Variants in ZXDC observed in about 807,000 individuals in gnomAD.
ZXDC encodes zinc finger protein ZXDC.
A neutral mutation model predicts 63.6 loss-of-function variants in ZXDC; 58 were observed. The ratio of observed to expected loss-of-function variants is 0.91; its 90% CI spans 0.74 to 1.13. The LOEUF (loss-of-function observed/expected upper bound fraction) is 1.13, where lower values mean the gene tolerates loss of function less well. Ranked by LOEUF, ZXDC falls within the 50% of genes most tolerant of loss-of-function variation. ZXDC has a pLI of 0.00. For synonymous variants in ZXDC, 561 were observed against 496.1 expected (o/e 1.13, Z -1.74); for missense variants, 1,133 against 1,148.9 (o/e 0.99, Z 0.20).
At chr3:126,458,533 T>A in intron 7 of ZXDC, 2 of 968,786 alleles carry the variant, frequency 2.1e-6, no homozygotes, top group Non-Finnish European at 2.5e-6. Flanking sequence ...CCACCGCACC[T>A]GGCCAATGTC....
In ZXDC at chr3:126,462,195, C is replaced by T. The variant is rs761690396; in HGVS notation, c.1467G>A (p.Pro489=). The T allele has an allele frequency of 1.9e-5, 31 of 1,600,920 alleles. No individual in the cohort carries two copies. Among genetic ancestry groups the T allele is most frequent in the Middle Eastern group, 1.7e-4 (1 of 6,004 alleles). ...RQDLLPQLEA[P]SSLTPSSELS... ...GTTCACTGCTGGGAGTAAGAGAACT[C>T]GGAGCTTCTAGCTGAGGTAAGAGAT... is the stretch of plus-strand genomic sequence containing the variant. The change falls in exon 6 of 10, where the codon CCG becomes CCA. Residue 489 remains proline, a synonymous_variant. Transcript: ENST00000389709.
Position 126,438,335 on chromosome 3 carries a change from C to T in ZXDC, c.*40G>A, listed in dbSNP as rs1933540432. 1.3e-6 allele frequency: 2 copies of T among 1,564,782 alleles called. No individual in the cohort carries two copies. The highest frequency in any genetic ancestry group is 2.7e-5 in the African/African-American group (2 of 73,746). On this transcript the variant is annotated 3_prime_UTR_variant, in exon 10 of 10. Transcript: ENST00000389709. ...TCATGAGTCTCAGGGAAGGTGTGTC[C>T]TAGACCGTGGCCTTGGGCCTGCCCA...
At chr3:126,447,213 T>C (rs1933916086) in intron 7 of ZXDC, among the ~76,000 whole-genome samples, 1 of 152,190 alleles carries the variant, frequency 6.6e-6, no homozygotes. Context: ...AGGAACTGAA[T>C]AAAGTATGTA....
intron 7 of ZXDC, chr3:126,457,248 G>A: frequency 1.0e-6 from 1 of 983,262 alleles, no homozygotes; most frequent in Non-Finnish European, 1.2e-6. Context: ...GAGTATGCAG[G>A]ATGCTGCTTT....
intron 7 of ZXDC, among the ~76,000 whole-genome samples, chr3:126,445,131 A>C (rs1049657206): frequency 4.6e-5 from 7 of 152,248 alleles, no homozygotes; most frequent in Non-Finnish European, 7.3e-5. Context: ...CTGAGAAGAA[A>C]CACCACCACT....
chr3:126,455,597 G>A (rs1000476445), intron 7 of ZXDC, among the ~76,000 whole-genome samples: 1 of 152,182 alleles, frequency 6.6e-6, no homozygotes, highest in Admixed American at 6.5e-5. Context: ...TGTTGATGGG[G>A]CACAAGAATC....
intron 9 of ZXDC, 152 bp downstream of exon 9, chr3:126,439,480 G>T: frequency 7.6e-7 from 1 of 1,315,974 alleles, no homozygotes; most frequent in Non-Finnish European, 1.0e-6. Context: ...ACCTTCTCCA[G>T]AAGGCAGCAA....
chr3:126,457,242 A>C, intron 7 of ZXDC: 1 of 981,004 alleles, frequency 1.0e-6, no homozygotes, highest in Non-Finnish European at 1.2e-6. Context: ...CAGCATGAGT[A>C]TGCAGGATGC....
intron 5 of ZXDC, among the ~76,000 whole-genome samples, chr3:126,463,681 GCT>G (rs148474656): frequency 0.017 from 2,624 of 152,298 alleles, 80 homozygotes; most frequent in African/African-American, 0.059. Flanking sequence ...GTCCCCAGCA[GCT>G]TCCTGACTGT....
At chr3:126,474,051 C>A (rs1449861258) in intron 1 of ZXDC, among the ~76,000 whole-genome samples, 2 of 150,112 alleles carry the variant, frequency 1.3e-5, no homozygotes, top group African/African-American at 4.9e-5. Context: ...GGAGAAAGAA[C>A]AGGCAGTGGA....
chr3:126,447,837 C>A lies in ZXDC; in HGVS notation c.2213-5891G>T, dbSNP rs184979074. Among the ~76,000 whole-genome samples, 359 of 152,354 alleles carry A rather than the reference C, an allele frequency of 2.4e-3. 1 individual carries two copies. The highest frequency in any genetic ancestry group is 6.7e-3 in the Admixed American group (103 of 15,308). ...GACAGGCTGCCTCGCCCCACATCACCCTCGCCCGCTGTCCATGTGCTGGTA... is the reference window on the plus strand; with the variant it reads ...GACAGGCTGCCTCGCCCCACATCACACTCGCCCGCTGTCCATGTGCTGGTA... On this transcript the variant is annotated intron_variant, in intron 7 of 9. Coordinates refer to ENST00000389709, the MANE Select transcript of ZXDC (RefSeq NM_025112.5).
Position 126,466,219 on chromosome 3 carries a change from G to A in ZXDC, c.1377C>T (p.Asn459=), listed in dbSNP as rs748458111. 5 of 1,614,258 alleles carry A rather than the reference G, an allele frequency of 3.1e-6. No homozygotes were observed. The Admixed American group carries it at 5.0e-5, about 16-fold the overall frequency. Reference sequence around the variant, plus strand: ...TGCTGTGCTTGGAGGTGAAGAGTCTGTTGCAGGTAGAAACTGGGCAACGGC... The same window carrying A: ...TGCTGTGCTTGGAGGTGAAGAGTCTATTGCAGGTAGAAACTGGGCAACGGC... ...PKSRCPVSTC[N]RLFTSKHSMK... Residue 459 remains asparagine (N), a synonymous_variant, in exon 5 of 10, where the codon AAC becomes AAT. Transcript: ENST00000389709.
Position 126,461,616 on chromosome 3 carries a change from G to C in ZXDC, c.2046C>G (p.Pro682=). ...CTGCTGGACTGGGCAACGTGGACTG[G>C]GGCAGCCCATGGCTTCCTTCCTGCT... ...VGQQEGSHGL[P]QSTLPSPAEQ... Residue 682 remains proline (P), a synonymous_variant, in exon 6 of 10, where the codon CCC becomes CCG. Transcript: ENST00000389709. 1.2e-6 allele frequency: 2 copies of C among 1,614,080 alleles called. No individual in the cohort carries two copies. Among genetic ancestry groups the C allele is most frequent in the Non-Finnish European group, 1.7e-6 (2 of 1,180,028 alleles).
rs762737337 is a variant in ZXDC at position 126,475,591 on chromosome 3, C to A, written c.275G>T (p.Gly92Val). 6.8e-7 allele frequency: 1 copy of A among 1,466,202 alleles called. No individual in the cohort carries two copies. The highest frequency in any genetic ancestry group is 9.0e-7 in the Non-Finnish European group (1 of 1,106,518). The allele number at this position is 1,466,202 out of a possible 1,614,324, so 90.8% of individuals were successfully genotyped here. A position where few individuals can be genotyped will look rare whatever the true frequency, so the allele number is the denominator to read the frequency against. ...GGAGCCAGGCTCGGCCTCCTGTGAT[C>A]CGGCAGCCTCGGCGGCAGCGCCGCC... ...PHGGAAAEAAGSQEAEPGSRV... is the reference protein window; with the variant it reads ...PHGGAAAEAAVSQEAEPGSRV... The change falls in exon 1 of 10, where the codon GGA (glycine) becomes GTA (valine). Residue 92 changes from glycine (G) to valine (V), a missense_variant. Physicochemically the swap from Gly to Val is moderately radical, Grantham distance 109. Coordinates refer to ENST00000389709, the MANE Select transcript of ZXDC (RefSeq NM_025112.5).
At chr3:126,439,426 C>T (rs1454098872) in intron 9 of ZXDC, among the ~76,000 whole-genome samples, 1 of 152,160 alleles carries the variant, frequency 6.6e-6, no homozygotes, top group Non-Finnish European at 1.5e-5. Flanking sequence ...CTTTGTCTAC[C>T]AGCAGGAGCT....
At position 126,441,862 on chromosome 3, in the gene ZXDC, C is replaced by T. The variant is rs375915731; in HGVS notation, c.2297G>A (p.Cys766Tyr). The part of the protein sequence containing the change: ...HFHASQNSWL[C>Y]GSLVVPSGGR... ...TCCGCTGGGCACCACGAGGCTCCCA[C>T]ACAACCAACTGTTCTGGCTTGCATG... is the stretch of plus-strand genomic sequence containing the variant. The change falls in exon 8 of 10, where the codon TGT (cysteine) becomes TAT (tyrosine). Residue 766 changes from cysteine to tyrosine, a missense_variant. Coordinates refer to ENST00000389709, the MANE Select transcript of ZXDC (RefSeq NM_025112.5). 43 of 1,613,874 alleles carry T rather than the reference C, an allele frequency of 2.7e-5. No individual in the cohort carries two copies. Among genetic ancestry groups the T allele is most frequent in the Non-Finnish European group, 3.6e-5 (43 of 1,179,956 alleles).
chr3:126,450,086 A>G (rs911893060), intron 7 of ZXDC, among the ~76,000 whole-genome samples: 2 of 152,122 alleles, frequency 1.3e-5, no homozygotes, highest in Non-Finnish European at 2.9e-5. Context: ...AGCTTTACTC[A>G]CAGGACTAAA....
chr3:126,460,223 T>C lies in ZXDC; in HGVS notation c.2128-486A>G, dbSNP rs895850738. On this transcript the variant is annotated intron_variant, in intron 6 of 9. Transcript: ENST00000389709. Reference sequence around the variant, plus strand: ...TCAAAGTCTTACACAAAAATAATAATGATGGTACTGAATTCAGGAACTTGC... The same window carrying C: ...TCAAAGTCTTACACAAAAATAATAACGATGGTACTGAATTCAGGAACTTGC... 4 of 849,906 alleles carry C rather than the reference T, an allele frequency of 4.7e-6. No homozygotes were observed. In the Admixed American group the frequency reaches 1.9e-4, roughly 40 times the overall value. 52.6% of individuals were successfully genotyped at this position (849,906 alleles called of 1,614,324 possible).
At chr3:126,441,397 T>TGC in intron 8 of ZXDC, 1 of 1,061,144 alleles carries the variant, frequency 9.4e-7, no homozygotes, top group Non-Finnish European at 1.1e-6. Context: ...GCCCCAGCCC[T>TGC]GCAGAAGAAG....
Sources: allele counts gnomAD v4.1 joint callset (sites outside exome capture counted in the v4.1 genomes callset), GRCh38; gene constraint gnomAD v4.1.1; transcripts MANE v1.5; gene names NCBI Gene and HGNC (gene_info 2026-07-23, HGNC 2026-07-21).